GRID2: variants seen among roughly 807,000 people sequenced by gnomAD.
GRID2 encodes glutamate ionotropic receptor delta type subunit 2, also known as glutamate receptor ionotropic, delta-2.
In GRID2, 33 loss-of-function variants were observed where a neutral mutation model predicts 114.8. That is an observed-to-expected ratio of 0.29 (90% CI 0.22 to 0.38). The LOEUF is 0.38. Ranked by LOEUF, GRID2 falls within the 10% of genes least tolerant of loss-of-function variation. The pLI is 1.00. For synonymous variants in GRID2, 505 were observed against 449.9 expected, an observed-to-expected ratio of 1.12 and a Z score of -1.55; for missense variants, 1,184 against 1,257.7, an observed-to-expected ratio of 0.94 and a Z score of 0.89.
chr4:93,415,029 GTCATA>G (rs1237667518), intron 9 of GRID2, among the ~76,000 whole-genome samples: 9 of 152,082 alleles, frequency 5.9e-5, no homozygotes, highest in Admixed American at 3.9e-4. Context: ...TCCAGATAAT[GTCATA>G]TCATAAGTTT....
At chr4:93,724,254 A>G (rs1199929065) in intron 14 of GRID2, among the ~76,000 whole-genome samples, 1 of 152,158 alleles carries the variant, frequency 6.6e-6, no homozygotes, top group Non-Finnish European at 1.5e-5. Context: ...GTTCAAGCGC[A>G]TGCGGGATTG....
chr4:92,477,866 C>T (rs971771906), intron 1 of GRID2, among the ~76,000 whole-genome samples: 1 of 146,752 alleles, frequency 6.8e-6, no homozygotes, highest in South Asian at 2.1e-4. Flanking sequence ...CACACATAAT[C>T]ACACACACAC....
intron 13 of GRID2, among the ~76,000 whole-genome samples, chr4:93,601,954 A>C (rs1036389): frequency 0.26 from 39,808 of 152,054 alleles, 5,432 homozygotes; most frequent in Middle Eastern, 0.35. Context: ...CTTTTTAATG[A>C]CCTTGTGTAA....
At chr4:92,702,625 TA>T (rs1734739037) in intron 2 of GRID2, 1 of 151,984 alleles carries the variant, frequency 6.6e-6, no homozygotes, top group Admixed American at 6.6e-5. Context: ...CCAAATCCCT[TA>T]ATTTTAATTT....
intron 1 of GRID2, among the ~76,000 whole-genome samples, chr4:92,512,334 G>T (rs1261331544): frequency 6.6e-6 from 1 of 151,808 alleles, no homozygotes; most frequent in Non-Finnish European, 1.5e-5. Context: ...TCTAAGCATG[G>T]TTGTATAAAT....
intron 2 of GRID2, among the ~76,000 whole-genome samples, chr4:92,755,393 T>C (rs767212914): frequency 6.6e-6 from 1 of 152,170 alleles, no homozygotes; most frequent in African/African-American, 2.4e-5. Flanking sequence ...TTCATGAAGA[T>C]AATTTCCTAT....
At position 93,161,069 on chromosome 4, in the gene GRID2, C is replaced by T. The variant is rs374579259; in HGVS notation, c.736-46335C>T. Among the ~76,000 whole-genome samples, 27 of 151,816 alleles carry T rather than the reference C, an allele frequency of 1.8e-4. No homozygotes were observed. In the South Asian group the frequency reaches 5.6e-3, roughly 31 times the overall value. On this transcript the variant is annotated intron_variant, in intron 4 of 15. Transcript: ENST00000282020. Reference sequence around the variant, plus strand: ...AGCTAATGGCTGTTTAGGACTGTAGCGGTAGCATATCATACAGTCATCATT... The same window carrying T: ...AGCTAATGGCTGTTTAGGACTGTAGTGGTAGCATATCATACAGTCATCATT...
At chr4:92,592,213 A>G (rs1224712465) in intron 2 of GRID2, among the ~76,000 whole-genome samples, 1 of 152,084 alleles carries the variant, frequency 6.6e-6, no homozygotes, top group Non-Finnish European at 1.5e-5. Flanking sequence ...GAATGTGAGC[A>G]GGAAAAACGT....
chr4:92,368,733 T>G (rs1273328973), intron 1 of GRID2, among the ~76,000 whole-genome samples: 1 of 152,068 alleles, frequency 6.6e-6, no homozygotes, highest in Non-Finnish European at 1.5e-5. Flanking sequence ...TGATTTAATG[T>G]TTCTAGCATG....
intron 8 of GRID2, among the ~76,000 whole-genome samples, chr4:93,321,562 A>T (rs1463281312): frequency 6.6e-6 from 1 of 152,102 alleles, no homozygotes; most frequent in African/African-American, 2.4e-5. Flanking sequence ...TCATGATTTC[A>T]TGTGTCATTT....
intron 14 of GRID2, among the ~76,000 whole-genome samples, chr4:93,688,556 A>G (rs1003866814): frequency 2.0e-5 from 3 of 152,032 alleles, no homozygotes; most frequent in East Asian, 1.9e-4. Context: ...CTGGATTTCA[A>G]CCCTGATCTG....
intron 2 of GRID2, among the ~76,000 whole-genome samples, chr4:93,071,849 A>G (rs1728835817): frequency 6.6e-6 from 1 of 152,200 alleles, no homozygotes. Context: ...CTGTCAATAT[A>G]TAAAATATTC....
chr4:93,077,712 G>A (rs1473958883), intron 2 of GRID2, among the ~76,000 whole-genome samples: 2 of 152,060 alleles, frequency 1.3e-5, no homozygotes, highest in Non-Finnish European at 2.9e-5. Context: ...GTTTCCTAAA[G>A]TGCAATTGCT....
At chr4:92,326,137 A>G (rs1383251385) in intron 1 of GRID2, among the ~76,000 whole-genome samples, 2 of 151,874 alleles carry the variant, frequency 1.3e-5, no homozygotes, top group Non-Finnish European at 2.9e-5. Flanking sequence ...GTTCTTTTAT[A>G]AAATTAAACT....
At chr4:92,375,190 T>A (rs569043154) in intron 1 of GRID2, among the ~76,000 whole-genome samples, 2 of 152,190 alleles carry the variant, frequency 1.3e-5, no homozygotes, top group Non-Finnish European at 1.5e-5. Context: ...AAAATTGATA[T>A]AATTTATAAA....
chr4:92,671,690 G>A (rs1384777778), intron 2 of GRID2, among the ~76,000 whole-genome samples: 2 of 152,106 alleles, frequency 1.3e-5, no homozygotes, highest in African/African-American at 2.4e-5. Context: ...GTAGTCTAGG[G>A]AGGCAAATGT....
chr4:93,467,090 A>G (rs1406120188), intron 11 of GRID2, among the ~76,000 whole-genome samples: 1 of 152,214 alleles, frequency 6.6e-6, no homozygotes, highest in East Asian at 1.9e-4. Flanking sequence ...ATCTGAAAAC[A>G]AATTCTCAGT....
chr4:92,391,746 T>C (rs1730247683), intron 1 of GRID2, among the ~76,000 whole-genome samples: 1 of 152,190 alleles, frequency 6.6e-6, no homozygotes, highest in African/African-American at 2.4e-5. Flanking sequence ...AACTTGATCT[T>C]TTTAGGTCCA....
At chr4:92,325,878 T>A (rs1726567136) in intron 1 of GRID2, among the ~76,000 whole-genome samples, 1 of 151,794 alleles carries the variant, frequency 6.6e-6, no homozygotes, top group South Asian at 2.1e-4. Flanking sequence ...CAGCAATCAA[T>A]TCTTAATTTC....
Sources: allele counts gnomAD v4.1 joint callset (sites outside exome capture counted in the v4.1 genomes callset), GRCh38; gene constraint gnomAD v4.1.1; transcripts MANE v1.5; gene names NCBI Gene and HGNC (gene_info 2026-07-23, HGNC 2026-07-21).